GAS7: variants seen among roughly 807,000 people sequenced by gnomAD.
The protein encoded by GAS7 is growth arrest-specific protein 7.
GAS7 carries 28 observed loss-of-function variants against 71.1 expected under a neutral mutation model. The observed-to-expected ratio is 0.39, with a 90% CI of 0.29 to 0.54. GAS7 has a LOEUF of 0.54. GAS7 is among the 20% of genes least tolerant of loss of function. GAS7 has a pLI of 0.62. For synonymous variants in GAS7, 258 were observed against 245.8 expected (o/e 1.05, Z -0.46); for missense variants, 436 against 627.8 (o/e 0.69, Z 3.27).
chr17:10,076,336 GA>G (rs1349912311), intron 1 of GAS7, among the ~76,000 whole-genome samples: 20 of 75,394 alleles, frequency 2.7e-4, no homozygotes, highest in Non-Finnish European at 5.0e-4. Flanking sequence ...GAAGGGAGGG[GA>G]GGGGGAGGTG....
rs1353633798 is a variant in GAS7, at chr17:9,950,491, T to TA, written c.526-3509dup. On this transcript the variant is annotated intron_variant, in intron 5 of 13. Coordinates refer to ENST00000432992, the MANE Select transcript of GAS7 (RefSeq NM_201433.2). The stretch of plus-strand genomic sequence containing the variant: ...TATATCACTGCACTTTAGCCTAAGT[T>TA]AAAAAAAAATCCTGTCAAAAATATT... Among the ~76,000 whole-genome samples the TA allele has an allele frequency of 5.3e-5, 8 of 151,478 alleles. No homozygotes were observed. The East Asian group carries it at 5.8e-4, about 11-fold the overall frequency.
chr17:9,952,372 C>T (rs1298873211), intron 5 of GAS7, among the ~76,000 whole-genome samples: 1 of 151,982 alleles, frequency 6.6e-6, no homozygotes. Flanking sequence ...GGCAAGTGGG[C>T]AAAGGACATG....
chr17:10,126,879 G>A (rs1037985256), intron 1 of GAS7, among the ~76,000 whole-genome samples: 3 of 152,192 alleles, frequency 2.0e-5, no homozygotes, highest in Non-Finnish European at 2.9e-5. Context: ...TAAGCTGTGT[G>A]ACCTTTTTTA....
chr17:10,034,077 G>A lies in GAS7; in HGVS notation c.184-14180C>T. ...CATATAAAGTAGGCAAATGGTGACA[G>A]CCAAGGGCCTTGCTATGGAGATGTG... On this transcript the variant is annotated intron_variant, in intron 1 of 13. Transcript: ENST00000432992. The surrounding 1 kb of genome is among the most constrained non-coding windows in gnomAD (Gnocchi z 4.4). 5 of 977,630 alleles carry A rather than the reference G, an allele frequency of 5.1e-6. No individual in the cohort carries two copies. Among genetic ancestry groups the A allele is most frequent in the Non-Finnish European group, 6.1e-6 (5 of 822,864 alleles). 60.6% of individuals were successfully genotyped at this position (977,630 alleles called of 1,614,324 possible). A position where few individuals can be genotyped will look rare whatever the true frequency, so the allele number is the denominator to read the frequency against.
chr17:10,046,305 G>C (rs774792880), intron 1 of GAS7, among the ~76,000 whole-genome samples: 16 of 151,712 alleles, frequency 1.1e-4, no homozygotes, highest in Non-Finnish European at 1.6e-4. Context: ...CCAGGACACT[G>C]CCTATCAAAC....
At chr17:10,161,119 T>G (rs986748747) in intron 1 of GAS7, among the ~76,000 whole-genome samples, 3 of 152,188 alleles carry the variant, frequency 2.0e-5, no homozygotes, top group Non-Finnish European at 4.4e-5. Context: ...TTGTTTGTTT[T>G]TTGCTAGCTT....
intron 1 of GAS7, among the ~76,000 whole-genome samples, chr17:10,038,589 C>T (rs1482529019): frequency 6.6e-6 from 1 of 152,070 alleles, no homozygotes; most frequent in African/African-American, 2.4e-5. Flanking sequence ...GAGGGTCTTG[C>T]TGCCTGTTCA....
At chr17:9,975,796 C>T (rs1488467134) in intron 3 of GAS7, among the ~76,000 whole-genome samples, 1 of 152,168 alleles carries the variant, frequency 6.6e-6, no homozygotes, top group African/African-American at 2.4e-5. Context: ...AACAAGGCAA[C>T]AGCATGCAGC....
intron 7 of GAS7, 141 bp from the exon 8 acceptor site, chr17:9,940,341 C>G: frequency 1.4e-6 from 1 of 711,254 alleles, no homozygotes; most frequent in South Asian, 1.5e-5. Context: ...GTCTGTCTAC[C>G]TGACATGCAG....
chr17:10,132,084 G>A (rs1431042113), intron 1 of GAS7, among the ~76,000 whole-genome samples: 1 of 152,176 alleles, frequency 6.6e-6, no homozygotes, highest in African/African-American at 2.4e-5. Context: ...ACATGTACTC[G>A]TGAAGGTATG....
chr17:10,126,711 G>A (rs1181210149), intron 1 of GAS7, among the ~76,000 whole-genome samples: 1 of 152,220 alleles, frequency 6.6e-6, no homozygotes, highest in Non-Finnish European at 1.5e-5. Flanking sequence ...CCACTCACTT[G>A]TTAAACAACA....
chr17:10,166,694 A>G (rs2074296404), intron 1 of GAS7, among the ~76,000 whole-genome samples: 1 of 152,224 alleles, frequency 6.6e-6, no homozygotes, highest in Non-Finnish European at 1.5e-5. Flanking sequence ...CTTACTATGA[A>G]CTAATTTTTT....
intron 1 of GAS7, among the ~76,000 whole-genome samples, chr17:10,157,580 G>A (rs1597825481): frequency 6.6e-6 from 1 of 152,094 alleles, no homozygotes; most frequent in East Asian, 1.9e-4. Context: ...GCCCAATTTT[G>A]GGCTGAGTTT....
chr17:9,952,181 G>C (rs2069046733), intron 5 of GAS7, among the ~76,000 whole-genome samples: 1 of 152,182 alleles, frequency 6.6e-6, no homozygotes, highest in Admixed American at 6.5e-5. Context: ...TGATTCAGGA[G>C]CTCTGGATGG....
At chr17:10,160,939 TACACAC>T (rs61578754) in intron 1 of GAS7, among the ~76,000 whole-genome samples, 14,630 of 139,588 alleles carry the variant, frequency 0.1, 791 homozygotes, top group Non-Finnish European at 0.12. Context: ...ATTGAAACCA[TACACAC>T]ACACACACAC....
intron 8 of GAS7, among the ~76,000 whole-genome samples, chr17:9,934,466 A>G (rs1441905194): frequency 6.6e-6 from 1 of 152,084 alleles, no homozygotes; most frequent in Non-Finnish European, 1.5e-5. Flanking sequence ...CTCTGGAGCT[A>G]AGGAAACAGA....
chr17:9,925,729 G>A, intron 10 of GAS7, 130 bp from the exon 11 acceptor site: 1 of 962,566 alleles, frequency 1.0e-6, no homozygotes, highest in Non-Finnish European at 1.6e-6. Context: ...CAGTGGTCCA[G>A]AGAGGCCCAG....
chr17:9,948,230 A>T (rs1398562486), intron 5 of GAS7, among the ~76,000 whole-genome samples: 1 of 152,248 alleles, frequency 6.6e-6, no homozygotes, highest in Non-Finnish European at 1.5e-5. Context: ...GGTCACCTGT[A>T]TAATACACAT....
chr17:10,098,035 C>T (rs2073660257), intron 1 of GAS7, among the ~76,000 whole-genome samples: 1 of 125,410 alleles, frequency 8.0e-6, no homozygotes, highest in Non-Finnish European at 1.6e-5. Flanking sequence ...CAGAGCAAGA[C>T]TCCATCTCAA....
Sources: gnomAD v4.1 joint callset for allele counts (sites outside exome capture counted in the v4.1 genomes callset) on GRCh38, gnomAD v4.1.1 for gene constraint, Gnocchi (gnomAD v3.1) non-coding constraint, MANE v1.5 for transcripts, NCBI Gene and HGNC (gene_info 2026-07-23, HGNC 2026-07-21) for gene names.